ATP11C: variants seen among roughly 807,000 people sequenced by gnomAD.
ATP11C encodes phospholipid-transporting ATPase IG.
In ATP11C, 36 loss-of-function variants were observed where a neutral mutation model predicts 97.4. That is an observed-to-expected ratio of 0.37 (90% CI 0.28 to 0.49). The LOEUF (loss-of-function observed/expected upper bound fraction) is 0.49, where lower values mean the gene tolerates loss of function less well. ATP11C is among the 20% of genes least tolerant of loss of function. The pLI is 0.98. For missense variants in ATP11C, 730 were observed against 824.6 expected (o/e 0.89, Z 1.40); for synonymous variants, 275 against 290.9 (o/e 0.95, Z 0.56).
At chrX:139,817,643 G>A (rs191084221) in intron 3 of ATP11C, among the ~76,000 whole-genome samples, 168 of 112,459 alleles carry the variant, frequency 1.5e-3, no homozygotes, top group African/African-American at 5.2e-3. Context: ...TGTGGAAGAT[G>A]AATTAGAAGG....
intron 5 of ATP11C, among the ~76,000 whole-genome samples, chrX:139,808,942 G>A (rs747406509): frequency 8.1e-5 from 9 of 110,674 alleles, no homozygotes; most frequent in Admixed American, 1.9e-4. Flanking sequence ...GCAAAACCCC[G>A]TCTCTACCAA....
chrX:139,782,313 C>T (rs187855684), intron 18 of ATP11C, among the ~76,000 whole-genome samples: 20 of 103,741 alleles, frequency 1.9e-4, no homozygotes, highest in African/African-American at 5.7e-4. Context: ...GGCGACAGAG[C>T]GAGACTCTGT....
intron 28 of ATP11C, chrX:139,732,514 G>T (rs1569418876): frequency 2.8e-6 from 1 of 363,160 alleles, no homozygotes. Context: ...AGGAAGGGAG[G>T]CGTTTCGTTA....
At position 139,783,205 on chromosome X, in the gene ATP11C, C is replaced by T; in HGVS notation, c.1729G>A (p.Glu577Lys). 1.7e-6 allele frequency: 2 copies of T among 1,208,704 alleles called. No individual in the cohort carries two copies. Among genetic ancestry groups the T allele is most frequent in the Non-Finnish European group, 2.2e-6 (2 of 893,563 alleles). The change falls in exon 17 of 30, where the codon GAA (glutamate) becomes AAA (lysine). Residue 577 changes from glutamate (E) to lysine (K), a missense_variant. By Grantham distance (56) the Glu-to-Lys change is moderately conservative. Transcript: ENST00000682941. Reference protein sequence around the residue: ...SAVFPRVQNHEIELTKVHVER... With the variant: ...SAVFPRVQNHKIELTKVHVER... ...ACATGGACTTTAGTTAACTCAATTT[C>T]ATGATTTTGCACTCTGGGAAAAACT...
intron 24 of ATP11C, among the ~76,000 whole-genome samples, chrX:139,747,073 C>A (rs559621687): frequency 1.6e-3 from 178 of 111,185 alleles, no homozygotes; most frequent in Middle Eastern, 4.6e-3. Context: ...TGCTCTCTGT[C>A]CTAGAAAAAT....
chrX:139,782,237 G>T (rs2082476004), intron 18 of ATP11C, among the ~76,000 whole-genome samples: 1 of 108,721 alleles, frequency 9.2e-6, no homozygotes, highest in Admixed American at 9.8e-5. Context: ...TGGGGCAGGA[G>T]AACGGCGTGA....
chrX:139,932,184 C>T lies in ATP11C; in HGVS notation c.-142G>A. ...GGCCGGGCCACCCGCTCGCCGCCTG[C>T]CCCCCTCGGCTCTCCGCGCTCCCCC... is the stretch of plus-strand genomic sequence containing the variant. On this transcript the variant is annotated 5_prime_UTR_variant, in exon 1 of 30. Coordinates refer to ENST00000682941, the MANE Select transcript of ATP11C (RefSeq NM_001353812.2). The T allele has an allele frequency of 2.6e-6, 1 of 391,205 alleles. No individual in the cohort carries two copies. The highest frequency in any genetic ancestry group is 3.4e-6 in the Non-Finnish European group (1 of 292,231). The allele number at this position is 391,205 out of a possible 1,213,427, so 32.2% of individuals were successfully genotyped here.
chrX:139,931,558 G>C (rs749006025), intron 1 of ATP11C, among the ~76,000 whole-genome samples: 3 of 112,692 alleles, frequency 2.7e-5, no homozygotes, highest in East Asian at 2.8e-4. Context: ...CCTAGTCTCC[G>C]GCTCCCTCAG....
chrX:139,773,468 T>C (rs2148698776), intron 19 of ATP11C, among the ~76,000 whole-genome samples: 1 of 111,469 alleles, frequency 9.0e-6, no homozygotes, highest in South Asian at 3.8e-4. Flanking sequence ...ATCACAGAAC[T>C]TTAGCCTCCA....
At chrX:139,846,179 C>G (rs993275857) in intron 1 of ATP11C, among the ~76,000 whole-genome samples, 1 of 112,082 alleles carries the variant, frequency 8.9e-6, no homozygotes, top group Non-Finnish European at 1.9e-5. Context: ...TATAACAAAC[C>G]GGAATAAGCT....
intron 1 of ATP11C, among the ~76,000 whole-genome samples, chrX:139,929,300 G>C (rs1003366797): frequency 9.0e-6 from 1 of 111,606 alleles, no homozygotes; most frequent in Non-Finnish European, 1.9e-5. Context: ...CCTCAAAACT[G>C]TCAAAAGGAA....
chrX:139,797,407 T>C, intron 10 of ATP11C, 81 bp from the exon 11 acceptor site: 1 of 749,273 alleles, frequency 1.3e-6, no homozygotes, highest in Non-Finnish European at 1.9e-6. Context: ...TCTAAAGCTT[T>C]TTCTGTGTAC....
At chrX:139,833,510 CCT>C (rs892207259) in intron 1 of ATP11C, among the ~76,000 whole-genome samples, 12 of 110,167 alleles carry the variant, frequency 1.1e-4, no homozygotes, top group African/African-American at 3.6e-4. Context: ...TAGTGAGACC[CCT>C]GTCTCTACGA....
chrX:139,890,734 T>C (rs2084714576), intron 1 of ATP11C, among the ~76,000 whole-genome samples: 1 of 112,312 alleles, frequency 8.9e-6, no homozygotes, highest in African/African-American at 3.2e-5. Flanking sequence ...TGGACTGAAG[T>C]AGTTTACAAT....
intron 1 of ATP11C, among the ~76,000 whole-genome samples, chrX:139,897,087 C>T (rs756938439): frequency 1.8e-5 from 2 of 108,893 alleles, no homozygotes; most frequent in East Asian, 5.8e-4. Flanking sequence ...ATTAGCTGGG[C>T]ATGGTGGTGC....
chrX:139,810,867 GTT>G (rs61703129), intron 5 of ATP11C, among the ~76,000 whole-genome samples: 17 of 89,062 alleles, frequency 1.9e-4, no homozygotes, highest in African/African-American at 6.6e-4. Context: ...TAAATTCAGA[GTT>G]TTTTTTTTTT....
chrX:139,795,045 T>C (rs188545895), intron 12 of ATP11C, among the ~76,000 whole-genome samples: 352 of 112,162 alleles, frequency 3.1e-3, no homozygotes, highest in African/African-American at 0.011. Context: ...TTTATTGAGA[T>C]TAGAGCAGTT....
chrX:139,791,468 G>A (rs749798729), intron 12 of ATP11C, among the ~76,000 whole-genome samples: 1 of 111,723 alleles, frequency 9.0e-6, no homozygotes, highest in Non-Finnish European at 1.9e-5. Context: ...GAATCTCACA[G>A]GTATATGCCT....
chrX:139,928,085 T>G (rs1569493951), intron 1 of ATP11C, among the ~76,000 whole-genome samples: 1 of 112,055 alleles, frequency 8.9e-6, no homozygotes, highest in East Asian at 2.8e-4. Flanking sequence ...AGGAAAATGT[T>G]AATTTATTAC....
Sources: allele counts gnomAD v4.1 joint callset (sites outside exome capture counted in the v4.1 genomes callset), GRCh38; gene constraint gnomAD v4.1.1; transcripts MANE v1.5; gene names NCBI Gene and HGNC (gene_info 2026-07-23, HGNC 2026-07-21).